Variants in ODAD4 observed in about 807,000 individuals in gnomAD.
ODAD4 encodes outer dynein arm-docking complex subunit 4.
A neutral mutation model predicts 51.8 loss-of-function variants in ODAD4; 49 were observed. The observed-to-expected ratio is 0.95, with a 90% CI of 0.75 to 1.20. The LOEUF is 1.20. ODAD4 is among the 50% of genes most tolerant of loss of function. The pLI is 0.00. For synonymous variants in ODAD4, 235 were observed against 221.3 expected (o/e 1.06, Z -0.55); for missense variants, 590 against 586.5 (o/e 1.01, Z -0.06).
intron 8 of ODAD4, among the ~76,000 whole-genome samples, chr17:41,948,284 T>C (rs2050612715): frequency 6.6e-6 from 1 of 151,536 alleles, no homozygotes; most frequent in African/African-American, 2.4e-5. Flanking sequence ...TTTTGATTTT[T>C]CTCTCATATA....
At chr17:41,947,467 G>C (rs949087401) in intron 8 of ODAD4, among the ~76,000 whole-genome samples, 3 of 141,162 alleles carry the variant, frequency 2.1e-5, no homozygotes, top group Non-Finnish European at 4.6e-5. Context: ...CCTGGGTGAC[G>C]CAGCAAGACT....
chr17:41,933,560 G>C (rs1435131713), intron 1 of ODAD4, among the ~76,000 whole-genome samples: 1 of 152,104 alleles, frequency 6.6e-6, no homozygotes, highest in Non-Finnish European at 1.5e-5. Flanking sequence ...GCTGAGGCAG[G>C]AGAATTGCTT....
Position 41,946,062 on chromosome 17 carries a change from A to G in ODAD4, c.1145+840A>G, listed in dbSNP as rs560215531. On this transcript the variant is annotated intron_variant, in intron 8 of 11. Transcript: ENST00000377540. Reference sequence around the variant, plus strand: ...TCTTCCCTTAGGGTTGGCTGCCCATATGTGCAGTGCCCTCCTTACCCTTGG... The same window carrying G: ...TCTTCCCTTAGGGTTGGCTGCCCATGTGTGCAGTGCCCTCCTTACCCTTGG... Among the ~76,000 whole-genome samples the G allele has an allele frequency of 7.2e-5, 11 of 152,310 alleles. No homozygotes were observed. The East Asian group carries it at 2.1e-3, about 29-fold the overall frequency.
chr17:41,932,726 C>CTT (rs10712306), intron 1 of ODAD4, among the ~76,000 whole-genome samples: 185 of 111,994 alleles, frequency 1.7e-3, no homozygotes, highest in African/African-American at 5.7e-3. Context: ...TTCTTTTCTT[C>CTT]TTTTTTTTTT....
intron 9 of ODAD4, among the ~76,000 whole-genome samples, chr17:41,952,143 C>G (rs1473067441): frequency 6.6e-6 from 1 of 151,714 alleles, no homozygotes; most frequent in African/African-American, 2.4e-5. Flanking sequence ...CCAAGGTGGG[C>G]AGATCACAAG....
Position 41,965,770 on chromosome 17 carries a change from G to C in ODAD4, c.*287G>C, listed in dbSNP as rs1329915179. 3 of 342,596 alleles carry C rather than the reference G, an allele frequency of 8.8e-6. No individual in the cohort carries two copies. The highest frequency in any genetic ancestry group is 1.4e-4 in the East Asian group (2 of 14,636). 21.2% of individuals were successfully genotyped at this position (342,596 alleles called of 1,614,324 possible). ...GGAGGGTGAAGATACGGGCGCTACA[G>C]GGAACAAGAAGTCACAGGGAGGAGA... On this transcript the variant is annotated 3_prime_UTR_variant, in exon 12 of 12. Transcript: ENST00000377540.
Position 41,965,041 on chromosome 17 carries a change from G to A in ODAD4, c.1577G>A (p.Arg526Lys), listed in dbSNP as rs781940645. The change falls in exon 12 of 12, where the codon AGG (arginine) becomes AAG (lysine). Residue 526 changes from arginine (R) to lysine (K), a missense_variant. Arg to Lys is a conservative substitution (Grantham distance 26, BLOSUM62 2). Around this residue, in one of 3 missense-constraint regions of ODAD4, gnomAD observed 226 missense variants for 162.7 expected, o/e 1.39. Coordinates refer to ENST00000377540, the MANE Select transcript of ODAD4 (RefSeq NM_031421.5). ...DRIITREKDM[R>K]RVRDEPEKVV... ...ATAATAACAAGAGAGAAGGACATGA[G>A]GAGAGTGAGAGATGAGCCCGAGAAG... is the stretch of plus-strand genomic sequence containing the variant. 1.4e-6 allele frequency: 1 copy of A among 737,520 alleles called. No individual in the cohort carries two copies. The highest frequency in any genetic ancestry group is 1.9e-5 in the Admixed American group (1 of 51,650). The allele number at this position is 737,520 out of a possible 1,614,324, so 45.7% of individuals were successfully genotyped here. A position where few individuals can be genotyped will look rare whatever the true frequency, so the allele number is the denominator to read the frequency against.
intron 8 of ODAD4, among the ~76,000 whole-genome samples, chr17:41,946,076 C>T (rs1476204482): frequency 1.3e-5 from 2 of 152,222 alleles, no homozygotes; most frequent in African/African-American, 2.4e-5. Context: ...GCAGTGCCCT[C>T]CTTACCCTTG....
intron 9 of ODAD4, among the ~76,000 whole-genome samples, chr17:41,952,089 C>T (rs1258209425): frequency 1.3e-5 from 2 of 151,176 alleles, no homozygotes; most frequent in African/African-American, 4.9e-5. Context: ...AAAATTAGGG[C>T]GGGGCACAGT....
intron 8 of ODAD4, among the ~76,000 whole-genome samples, chr17:41,946,550 C>T (rs2144513521): frequency 6.6e-6 from 1 of 152,310 alleles, no homozygotes; most frequent in South Asian, 2.1e-4. Context: ...GTCTCAAACT[C>T]CTGACCTCAG....
intron 1 of ODAD4, among the ~76,000 whole-genome samples, chr17:41,933,757 T>G (rs1336057980): frequency 4.0e-5 from 6 of 151,734 alleles, no homozygotes; most frequent in African/African-American, 1.5e-4. Flanking sequence ...GAGATTGCAG[T>G]GAGCAGAGAT....
chr17:41,938,017 T>C (rs1052948394), intron 5 of ODAD4, among the ~76,000 whole-genome samples: 1 of 152,250 alleles, frequency 6.6e-6, no homozygotes, highest in African/African-American at 2.4e-5. Flanking sequence ...CAGGCCTGAA[T>C]GCCTCCTATT....
chr17:41,935,835 G>A, intron 3 of ODAD4, 86 bp downstream of exon 3: 1 of 1,516,282 alleles, frequency 6.6e-7, no homozygotes. Flanking sequence ...CAGCAGGTGA[G>A]CAGCCACCAC....
At position 41,937,104 on chromosome 17, in the gene ODAD4, C is replaced by G. The variant is rs563989118; in HGVS notation, c.625+177C>G. 4 of 726,604 alleles carry G rather than the reference C, an allele frequency of 5.5e-6. No homozygotes were observed. The South Asian group carries it at 7.3e-5, about 13-fold the overall frequency. 45.0% of individuals were successfully genotyped at this position (726,604 alleles called of 1,614,324 possible). ...AAACTGAGGCGCAGACCAACAGAAA[C>G]TAAGGTCATATATAGGTAGGCAATG... is the stretch of plus-strand genomic sequence containing the variant. On this transcript the variant is annotated intron_variant, in intron 5 of 11. Transcript: ENST00000377540.
At chr17:41,934,726 A>G (rs782000551) in intron 1 of ODAD4, among the ~76,000 whole-genome samples, 2 of 152,232 alleles carry the variant, frequency 1.3e-5, no homozygotes, top group African/African-American at 2.4e-5. Context: ...AGAGAAGGCT[A>G]CTGGAATGGT....
chr17:41,955,573 C>G (rs1433155160), intron 10 of ODAD4, among the ~76,000 whole-genome samples: 1 of 151,942 alleles, frequency 6.6e-6, no homozygotes. Context: ...ACTACAGGCG[C>G]CCCCCACCAC....
intron 9 of ODAD4, chr17:41,952,762 G>A (rs1324278904): frequency 2.2e-6 from 1 of 454,824 alleles, no homozygotes; most frequent in Non-Finnish European, 4.5e-6. Context: ...ATAGAGTCTT[G>A]CTTTATCACC....
intron 7 of ODAD4, among the ~76,000 whole-genome samples, chr17:41,944,300 G>A (rs1326189273): frequency 6.6e-6 from 1 of 151,846 alleles, no homozygotes; most frequent in Non-Finnish European, 1.5e-5. Context: ...GGAGGCGGAG[G>A]CTGCAGTGAG....
At position 41,966,146 on chromosome 17, in the gene ODAD4, C is replaced by T. The variant is rs1488056705; in HGVS notation, c.*663C>T. Among the ~76,000 whole-genome samples the T allele has an allele frequency of 1.3e-5, 2 of 152,210 alleles. No homozygotes were observed. Among genetic ancestry groups the T allele is most frequent in the Non-Finnish European group, 2.9e-5 (2 of 68,046 alleles). ...CTTAGCACAGCACTTGGACAGGAAA[C>T]TCAAAAATCCAACGGAGCTCTCAGT... On this transcript the variant is annotated 3_prime_UTR_variant, in exon 12 of 12. Coordinates refer to ENST00000377540, the MANE Select transcript of ODAD4 (RefSeq NM_031421.5).
Sources: gnomAD v4.1 joint callset for allele counts (sites outside exome capture counted in the v4.1 genomes callset) on GRCh38, gnomAD v4.1.1 for gene constraint, gnomAD v4.1.1 regional missense constraint, MANE v1.5 for transcripts, NCBI Gene and HGNC (gene_info 2026-07-23, HGNC 2026-07-21) for gene names.